Variants in CTSZ observed in about 807,000 individuals in gnomAD.
The protein encoded by CTSZ is carboxypeptidase LB.
A neutral mutation model predicts 32.4 loss-of-function variants in CTSZ; 39 were observed. That is an observed-to-expected ratio of 1.20 (90% CI 0.93 to 1.57). The LOEUF is 1.57. CTSZ is among the 40% of genes most tolerant of loss of function. The probability of loss-of-function intolerance (pLI) is 0.00; values close to 1 mark genes in which losing one functional copy is unlikely to be tolerated. For missense variants in CTSZ, 397 were observed against 419.6 expected, an observed-to-expected ratio of 0.95 and a Z score of 0.47; for synonymous variants, 168 against 170.1, an observed-to-expected ratio of 0.99 and a Z score of 0.10.
rs769451964 is a variant in CTSZ at position 59,001,526 on chromosome 20, G to C, written c.426C>G (p.Asp142Glu). ...CEGGNDLSVW[D>E]YAHQHGIPDE... ...CAGGGATGCCGTGCTGGTGGGCGTA[G>C]TCCCACACGGACAGGTCATTACCCC... The change falls in exon 3 of 6, where the codon GAC becomes GAG. Residue 142 changes from aspartate (D) to glutamate (E), a missense_variant. Coordinates refer to ENST00000217131, the MANE Select transcript of CTSZ (RefSeq NM_001336.4). The C allele has an allele frequency of 9.3e-6, 15 of 1,614,176 alleles. No individual in the cohort carries two copies. The highest frequency in any genetic ancestry group is 1.3e-5 in the Non-Finnish European group (15 of 1,179,994).
At chr20:58,997,060 G>T (rs944823117) in intron 4 of CTSZ, among the ~76,000 whole-genome samples, 1 of 151,830 alleles carries the variant, frequency 6.6e-6, no homozygotes, top group African/African-American at 2.4e-5. Context: ...GGTGGAGGGG[G>T]CTGAGGCGGG....
chr20:59,004,952 G>A lies in CTSZ; in HGVS notation c.307+1370C>T, dbSNP rs571983939. On this transcript the variant is annotated intron_variant, in intron 2 of 5. Coordinates refer to ENST00000217131, the MANE Select transcript of CTSZ (RefSeq NM_001336.4). This position sits in a 1 kb window ranked among gnomAD's most constrained non-coding sequence, Gnocchi z 5.6. ...GCAGTCCTTCACAGACGCACATCTT[G>A]TCACCTGACTCCCTCTCAAAGAGTT... 6.6e-6 allele frequency among the ~76,000 whole-genome samples: 1 copy of A among 152,198 alleles called. No individual in the cohort carries two copies. Among genetic ancestry groups the A allele is most frequent in the East Asian group, 1.9e-4 (1 of 5,166 alleles).
rs2091910681 is a variant in CTSZ, at chr20:59,006,905, G to GC, written c.143+80dup. ...TTCCAAGGCCTGTTGGCGACGCAGGGCCCCCAGGAGGCAGAGCGCGCGCCT... is the reference window on the plus strand; with the variant it reads ...TTCCAAGGCCTGTTGGCGACGCAGGGCCCCCCAGGAGGCAGAGCGCGCGCCT... On this transcript the variant is annotated intron_variant, in intron 1 of 5. Transcript: ENST00000217131. 3.3e-6 allele frequency: 4 copies of GC among 1,210,310 alleles called. No homozygotes were observed. In the South Asian group the frequency reaches 6.0e-5, roughly 18 times the overall value. The allele number at this position is 1,210,310 out of a possible 1,614,324, so 75.0% of individuals were successfully genotyped here. A position where few individuals can be genotyped will look rare whatever the true frequency, so the allele number is the denominator to read the frequency against.
In CTSZ at chr20:58,997,828, A is replaced by G. The variant is rs1163128166; in HGVS notation, c.488-75T>C. On this transcript the variant is annotated intron_variant, in intron 3 of 5. Coordinates refer to ENST00000217131, the MANE Select transcript of CTSZ (RefSeq NM_001336.4). The stretch of plus-strand genomic sequence containing the variant: ...ACTGACAAAGAAGCCCGCCAAGCCC[A>G]CTCTCCACTCTCATCATGCAGCCTA... The G allele has an allele frequency of 4.5e-6, 6 of 1,339,218 alleles. No homozygotes were observed. The African/African-American group carries it at 5.9e-5, about 13-fold the overall frequency. The allele number at this position is 1,339,218 out of a possible 1,614,324, so 83.0% of individuals were successfully genotyped here.
rs1268571705 is a variant in CTSZ, at chr20:59,004,480, G to A, written c.307+1842C>T. On this transcript the variant is annotated intron_variant, in intron 2 of 5. Coordinates refer to ENST00000217131, the MANE Select transcript of CTSZ (RefSeq NM_001336.4). This position sits in a 1 kb window ranked among gnomAD's most constrained non-coding sequence, Gnocchi z 5.6. ...AGTGCCGGTGGAGTGGCAGAGGTGG[G>A]ACTGAGGCTGGAGTGGGTTCAAGGG... 1.3e-5 allele frequency among the ~76,000 whole-genome samples: 2 copies of A among 152,122 alleles called. No homozygotes were observed. The highest frequency in any genetic ancestry group is 4.8e-5 in the African/African-American group (2 of 41,406).
intron 4 of CTSZ, among the ~76,000 whole-genome samples, chr20:58,997,016 G>T (rs1231698157): frequency 1.3e-5 from 2 of 152,024 alleles, no homozygotes; most frequent in Non-Finnish European, 2.9e-5. Flanking sequence ...AATTAGCTGG[G>T]TGTGGTGGTG....
At position 59,001,517 on chromosome 20, in the gene CTSZ, G is replaced by T. The variant is rs1473601852; in HGVS notation, c.435C>A (p.His145Gln). The change falls in exon 3 of 6, where the codon CAC (histidine) becomes CAA (glutamine). Residue 145 changes from histidine to glutamine, a missense_variant. By Grantham distance (24) the His-to-Gln change is conservative (BLOSUM62 0). Transcript: ENST00000217131. Reference protein sequence around the residue: ...GNDLSVWDYAHQHGIPDETCN... With the variant: ...GNDLSVWDYAQQHGIPDETCN... ...AGGTCTCGTCAGGGATGCCGTGCTG[G>T]TGGGCGTAGTCCCACACGGACAGGT... 1.2e-6 allele frequency: 2 copies of T among 1,614,130 alleles called. No homozygotes were observed. The highest frequency in any genetic ancestry group is 2.2e-5 in the South Asian group (2 of 91,082).
rs2091909600 is a variant in CTSZ, at chr20:59,006,598, T to G, written c.144-113A>C. On this transcript the variant is annotated intron_variant, in intron 1 of 5. Transcript: ENST00000217131. The stretch of plus-strand genomic sequence containing the variant: ...TTCCCAACACCTGAGGGCATGGGAG[T>G]GGGGCCACAATCACCAGAGGTGAGC... 3 of 1,126,716 alleles carry G rather than the reference T, an allele frequency of 2.7e-6. No homozygotes were observed. The Admixed American group carries it at 7.0e-5, about 26-fold the overall frequency. The allele number at this position is 1,126,716 out of a possible 1,614,324, so 69.8% of individuals were successfully genotyped here.
At position 59,007,235 on chromosome 20, in the gene CTSZ, C is replaced by T; in HGVS notation, c.-107G>A. On this transcript the variant is annotated 5_prime_UTR_variant, in exon 1 of 6. The change creates a new upstream start codon in the 5' untranslated region. Coordinates refer to ENST00000217131, the MANE Select transcript of CTSZ (RefSeq NM_001336.4). ...CCCCGGCCTCGGCCTCGGCCCAGCA[C>T]CCGGCCGACCCCGCACTTTGGGCCC... 1 of 1,248,456 alleles carries T rather than the reference C, an allele frequency of 8.0e-7. No individual in the cohort carries two copies. Among genetic ancestry groups the T allele is most frequent in the Non-Finnish European group, 1.0e-6 (1 of 995,286 alleles). 77.3% of individuals were successfully genotyped at this position (1,248,456 alleles called of 1,614,324 possible).
intron 3 of CTSZ, among the ~76,000 whole-genome samples, chr20:58,998,779 C>T (rs1408300377): frequency 6.6e-6 from 1 of 152,240 alleles, no homozygotes; most frequent in Non-Finnish European, 1.5e-5. Context: ...TGTGTTCCCA[C>T]TTTTCACTCC....
At chr20:59,006,108 TA>T in intron 2 of CTSZ, 1 of 596,306 alleles carries the variant, frequency 1.7e-6, no homozygotes. Flanking sequence ...GATTCAGTCC[TA>T]GTCCTGCCTG....
At chr20:58,996,103 C>T (rs923027861) in intron 5 of CTSZ, among the ~76,000 whole-genome samples, 6 of 152,290 alleles carry the variant, frequency 3.9e-5, no homozygotes, top group South Asian at 4.1e-4. Flanking sequence ...GCACATGAAC[C>T]GCTTTCCCCC....
intron 5 of CTSZ, 36 bp downstream of exon 5, chr20:58,996,603 T>C: frequency 6.2e-7 from 1 of 1,612,456 alleles, no homozygotes; most frequent in Non-Finnish European, 8.5e-7. Context: ...GACGTTTTTT[T>C]CTAGGAATGA....
Position 58,996,670 on chromosome 20 carries a change from C to T in CTSZ, c.770G>A (p.Trp257Ter), listed in dbSNP as rs1331554939. The change falls in exon 5 of 6, where the codon TGG becomes TAG. Residue 257 changes from tryptophan to a stop codon, truncating the protein, a stop_gained. Coordinates refer to ENST00000217131, the MANE Select transcript of CTSZ (RefSeq NM_001336.4). LOFTEE classifies it high-confidence loss of function. The stretch of plus-strand genomic sequence containing the variant: ...TTCACCCCATGAATTCCGGACAATC[C>T]AGTACTCAGTCCCATCACTGATGCC... The part of the protein sequence containing the change: ...GWGISDGTEY[W>*]IVRNSWGEPW... 6.2e-7 allele frequency: 1 copy of T among 1,614,018 alleles called. No individual in the cohort carries two copies. The highest frequency in any genetic ancestry group is 1.3e-5 in the African/African-American group (1 of 74,890).
At position 58,996,839 on chromosome 20, in the gene CTSZ, T is replaced by C. The variant is rs1159515761; in HGVS notation, c.639-38A>G. On this transcript the variant is annotated intron_variant, in intron 4 of 5. Coordinates refer to ENST00000217131, the MANE Select transcript of CTSZ (RefSeq NM_001336.4). ...AGTTAAAGAATTACCACTTTTAAAT[T>C]GAGAGAATTTACCGTCATTAGAAAT... 3.7e-6 allele frequency: 6 copies of C among 1,603,026 alleles called. 1 individual carries two copies. Among genetic ancestry groups the C allele is most frequent in the South Asian group, 2.2e-5 (2 of 90,142 alleles).
rs2091911734 is a variant in CTSZ at position 59,007,046 on chromosome 20, CG to C, written c.82del (p.Arg28AlafsTer175). On this transcript the variant is annotated frameshift_variant, in exon 1 of 6. Transcript: ENST00000217131. LOFTEE classifies it high-confidence loss of function. ...AGAAQGGLYFRRGQTCYRPLR... is the reference protein window; with the variant it reads ...AGAAQGGLYFXRGQTCYRPLR... ...AGGCCGGTAGCAGGTCTGTCCCCGG[CG>C]GAAGTAGAGGCCGCCCTGCGCCGCG... is the stretch of plus-strand genomic sequence containing the variant. The C allele has an allele frequency of 6.8e-7, 1 of 1,470,864 alleles. No individual in the cohort carries two copies. The highest frequency in any genetic ancestry group is 2.4e-5 in the Admixed American group (1 of 41,790). 91.1% of individuals were successfully genotyped at this position (1,470,864 alleles called of 1,614,324 possible).
rs892929251 is a variant in CTSZ at position 59,004,013 on chromosome 20, G to A, written c.307+2309C>T. ...ACCTGGAGGAGGCGGTGGGCGGTGC[G>A]TGATTTCTGCATCTGCTTCGAAGGT... On this transcript the variant is annotated intron_variant, in intron 2 of 5. Coordinates refer to ENST00000217131, the MANE Select transcript of CTSZ (RefSeq NM_001336.4). This position sits in a 1 kb window ranked among gnomAD's most constrained non-coding sequence, Gnocchi z 5.6. 6.6e-5 allele frequency among the ~76,000 whole-genome samples: 10 copies of A among 152,122 alleles called. No individual in the cohort carries two copies. The highest frequency in any genetic ancestry group is 2.1e-4 in the South Asian group (1 of 4,816).
Position 59,002,927 on chromosome 20 carries a change from A to C in CTSZ, c.308-1283T>G, listed in dbSNP as rs1484151957. 6.6e-6 allele frequency among the ~76,000 whole-genome samples: 1 copy of C among 151,886 alleles called. No homozygotes were observed. Among genetic ancestry groups the C allele is most frequent in the Non-Finnish European group, 1.5e-5 (1 of 67,958 alleles). ...CACACCCCAAACTTGCCTTTCTCACAACAACAGAGGAAGCCCCCGGCCCCT... is the reference window on the plus strand; with the variant it reads ...CACACCCCAAACTTGCCTTTCTCACCACAACAGAGGAAGCCCCCGGCCCCT... On this transcript the variant is annotated intron_variant, in intron 2 of 5. Coordinates refer to ENST00000217131, the MANE Select transcript of CTSZ (RefSeq NM_001336.4). This position sits in a 1 kb window ranked among gnomAD's most constrained non-coding sequence, Gnocchi z 4.1.
At position 58,995,550 on chromosome 20, in the gene CTSZ, C is replaced by T. The variant is rs889783101; in HGVS notation, c.*99G>A. 1 of 1,080,050 alleles carries T rather than the reference C, an allele frequency of 9.3e-7. No homozygotes were observed. The highest frequency in any genetic ancestry group is 1.4e-6 in the Non-Finnish European group (1 of 714,600). 66.9% of individuals were successfully genotyped at this position (1,080,050 alleles called of 1,614,324 possible). A position where few individuals can be genotyped will look rare whatever the true frequency, so the allele number is the denominator to read the frequency against. Reference sequence around the variant, plus strand: ...TCGCCATCCAATATTGATAGCCACCCCAGTTCCTGCCAGCCAGCCTGGCAC... The same window carrying T: ...TCGCCATCCAATATTGATAGCCACCTCAGTTCCTGCCAGCCAGCCTGGCAC... On this transcript the variant is annotated 3_prime_UTR_variant, in exon 6 of 6. Coordinates refer to ENST00000217131, the MANE Select transcript of CTSZ (RefSeq NM_001336.4).
Sources: allele counts gnomAD v4.1 joint callset (sites outside exome capture counted in the v4.1 genomes callset), GRCh38; gene constraint gnomAD v4.1.1; non-coding constraint Gnocchi (gnomAD v3.1); transcripts MANE v1.5; gene names NCBI Gene and HGNC (gene_info 2026-07-23, HGNC 2026-07-21).